Variants in SLC15A5 observed in about 807,000 individuals in gnomAD.
The protein encoded by SLC15A5 is Peptide/histidine transporter ENSP00000340402.
Under a neutral mutation model 56.1 loss-of-function variants are expected in SLC15A5, and 58 were observed. That is an observed-to-expected ratio of 1.03 (90% CI 0.84 to 1.29). The LOEUF (loss-of-function observed/expected upper bound fraction) is 1.29, where lower values mean the gene tolerates loss of function less well. Among genes scored for constraint, SLC15A5 ranks in the 50% most tolerant of loss-of-function variants. SLC15A5 has a pLI of 0.00. For missense variants in SLC15A5, 681 were observed against 672.1 expected, an observed-to-expected ratio of 1.01 and a Z score of -0.15; for synonymous variants, 264 against 250.5, an observed-to-expected ratio of 1.05 and a Z score of -0.51.
At chr12:16,268,062 A>T (rs1478157757) in intron 2 of SLC15A5, among the ~76,000 whole-genome samples, 1 of 113,370 alleles carries the variant, frequency 8.8e-6, no homozygotes, top group Non-Finnish European at 1.9e-5. Flanking sequence ...AGTTGTCCTG[A>T]CTCATGTACC....
intron 7 of SLC15A5, among the ~76,000 whole-genome samples, chr12:16,214,321 G>T (rs1257538150): frequency 6.6e-6 from 1 of 152,194 alleles, no homozygotes; most frequent in East Asian, 1.9e-4. Context: ...TTCTTGAGTG[G>T]TTGGAATGTC....
intron 2 of SLC15A5, among the ~76,000 whole-genome samples, chr12:16,272,306 C>T (rs1293009143): frequency 6.6e-6 from 1 of 152,120 alleles, no homozygotes; most frequent in Admixed American, 6.6e-5. Flanking sequence ...TTCTGCAGGA[C>T]AAGGCACTTC....
intron 7 of SLC15A5, among the ~76,000 whole-genome samples, chr12:16,201,139 C>A (rs1863950915): frequency 6.6e-6 from 1 of 151,948 alleles, no homozygotes; most frequent in African/African-American, 2.4e-5. Flanking sequence ...TACTTAAGGA[C>A]CAATAGTAGT....
chr12:16,249,669 A>G (rs578164145), intron 3 of SLC15A5, among the ~76,000 whole-genome samples: 1 of 152,208 alleles, frequency 6.6e-6, no homozygotes, highest in East Asian at 1.9e-4. Context: ...TATTAGTTGA[A>G]AGAGAATTGT....
At chr12:16,212,795 G>C (rs7968278) in intron 7 of SLC15A5, among the ~76,000 whole-genome samples, 80,177 of 150,598 alleles carry the variant, frequency 0.53, 21,587 homozygotes, top group South Asian at 0.74. Context: ...GTAAAGATTA[G>C]TAATTCCCTG....
chr12:16,239,693 A>G lies in SLC15A5; in HGVS notation c.1150T>C (p.Ser384Pro), dbSNP rs922871708. 6.5e-7 allele frequency: 1 copy of G among 1,536,616 alleles called. No homozygotes were observed. Among genetic ancestry groups the G allele is most frequent in the Admixed American group, 2.0e-5 (1 of 50,824 alleles). Residue 384 changes from serine (S) to proline (P), a missense_variant, in exon 5 of 9, where the codon TCA (serine) becomes CCA (proline). Ser to Pro is a moderately conservative substitution (Grantham distance 74). Coordinates refer to ENST00000344941, the MANE Select transcript of SLC15A5 (RefSeq NM_001170798.1). ...AAATTGTACTTACTGATGCATGTTG[A>G]CAGAAATGATCCAACTCTCTTAGAG... is the stretch of plus-strand genomic sequence containing the variant. ...FPSKRVGSFLSTCIIAGNLFA... is the reference protein window; with the variant it reads ...FPSKRVGSFLPTCIIAGNLFA...
chr12:16,195,905 T>C (rs1863890347), intron 7 of SLC15A5, among the ~76,000 whole-genome samples: 1 of 152,112 alleles, frequency 6.6e-6, no homozygotes, highest in Admixed American at 6.6e-5. Context: ...CAATGAAAAT[T>C]AGCTGTGTCT....
chr12:16,210,072 C>T (rs756072827), intron 7 of SLC15A5, among the ~76,000 whole-genome samples: 28 of 152,190 alleles, frequency 1.8e-4, no homozygotes, highest in Non-Finnish European at 7.3e-5. Flanking sequence ...ATATTTTCAG[C>T]TTACTGGCCT....
At chr12:16,244,832 A>T (rs928701579) in intron 3 of SLC15A5, 32 bp from the exon 4 acceptor site, 1 of 1,516,302 alleles carries the variant, frequency 6.6e-7, no homozygotes. Context: ...ATGTATTAGT[A>T]TAGGAATTGT....
chr12:16,211,349 G>A (rs975178811), intron 7 of SLC15A5, among the ~76,000 whole-genome samples: 2 of 152,246 alleles, frequency 1.3e-5, no homozygotes, highest in South Asian at 2.1e-4. Flanking sequence ...ATTTAAATGA[G>A]CCTTTTAGGA....
Position 16,235,076 on chromosome 12 carries a change from A to G in SLC15A5, c.1162+4605T>C, listed in dbSNP as rs1864334467. 2.6e-5 allele frequency among the ~76,000 whole-genome samples: 4 copies of G among 151,900 alleles called. No homozygotes were observed. Among genetic ancestry groups the G allele is most frequent in the Admixed American group, 2.6e-4 (4 of 15,254 alleles). ...TTAATATATCATTCAGTGTTCATGAACTACTCTCATAAAGACAGCTATAAT... is the reference window on the plus strand; with the variant it reads ...TTAATATATCATTCAGTGTTCATGAGCTACTCTCATAAAGACAGCTATAAT... On this transcript the variant is annotated intron_variant, in intron 5 of 8. Transcript: ENST00000344941. This position sits in a 1 kb window ranked among gnomAD's most constrained non-coding sequence, Gnocchi z 4.1.
Position 16,231,411 on chromosome 12 carries a change from C to T in SLC15A5, c.1163-6809G>A, listed in dbSNP as rs191952303. 2.1e-3 allele frequency among the ~76,000 whole-genome samples: 327 copies of T among 152,258 alleles called. 1 individual carries two copies. Among genetic ancestry groups the T allele is most frequent in the African/African-American group, 7.2e-3 (298 of 41,548 alleles). On this transcript the variant is annotated intron_variant, in intron 5 of 8. Transcript: ENST00000344941. ...TAGAAATTGGAAAGAGAAGTGATAA[C>T]TGATTTAGAAAAATAAATGAGGGAG...
intron 7 of SLC15A5, among the ~76,000 whole-genome samples, chr12:16,207,773 C>T (rs567284496): frequency 6.6e-6 from 1 of 152,062 alleles, no homozygotes; most frequent in Admixed American, 6.6e-5. Context: ...TCTGTCTCAT[C>T]CTCCCAAGTA....
At position 16,202,759 on chromosome 12, in the gene SLC15A5, T is replaced by C. The variant is rs550650429; in HGVS notation, c.1484-8306A>G. 3.4e-4 allele frequency among the ~76,000 whole-genome samples: 52 copies of C among 152,300 alleles called. No individual in the cohort carries two copies. The South Asian group carries it at 0.01, about 30-fold the overall frequency. On this transcript the variant is annotated intron_variant, in intron 7 of 8. Transcript: ENST00000344941. The stretch of plus-strand genomic sequence containing the variant: ...AATACATTTTAAAAAGTGGTATATA[T>C]ACACAATGGAATATTCAGCCTTAAA...
At chr12:16,272,312 A>G (rs920763129) in intron 2 of SLC15A5, among the ~76,000 whole-genome samples, 1 of 152,248 alleles carries the variant, frequency 6.6e-6, no homozygotes, top group East Asian at 1.9e-4. Flanking sequence ...AGGACAAGGC[A>G]CTTCAAATCT....
At chr12:16,256,913 AATAGATAGATAGATAGATAGATAG>A (rs55965104) in intron 3 of SLC15A5, among the ~76,000 whole-genome samples, 2 of 148,480 alleles carry the variant, frequency 1.3e-5, no homozygotes, top group Admixed American at 1.3e-4. Flanking sequence ...ATGCATGGGG[AATAGATAGATAGATAGATAGATAG>A]ATAGATAGAT....
intron 4 of SLC15A5, among the ~76,000 whole-genome samples, chr12:16,242,379 C>G (rs77667662): frequency 2.4e-5 from 1 of 41,194 alleles, no homozygotes; most frequent in Non-Finnish European, 6.4e-5. Context: ...GACTTTTAAC[C>G]CAATGCAAGA....
At chr12:16,241,582 A>G (rs1864415312) in intron 4 of SLC15A5, among the ~76,000 whole-genome samples, 1 of 152,202 alleles carries the variant, frequency 6.6e-6, no homozygotes, top group African/African-American at 2.4e-5. Context: ...GTTTTGGCTG[A>G]GTACAGATGG....
chr12:16,242,853 C>T (rs1405200043), intron 4 of SLC15A5, among the ~76,000 whole-genome samples: 1 of 152,136 alleles, frequency 6.6e-6, no homozygotes, highest in Admixed American at 6.5e-5. Context: ...TAATTTTGTA[C>T]TGTTTATCGG....
Sources: gnomAD v4.1 joint callset for allele counts (sites outside exome capture counted in the v4.1 genomes callset) on GRCh38, gnomAD v4.1.1 for gene constraint, Gnocchi (gnomAD v3.1) non-coding constraint, MANE v1.5 for transcripts, NCBI Gene and HGNC (gene_info 2026-07-23, HGNC 2026-07-21) for gene names.